FGFR4: variants seen among roughly 807,000 people sequenced by gnomAD.
FGFR4 encodes the protein hydroxyaryl-protein kinase.
In FGFR4, 63 loss-of-function variants were observed where a neutral mutation model predicts 89.9. The observed-to-expected ratio is 0.70, with a 90% confidence interval of 0.57 to 0.86. FGFR4 has a LOEUF of 0.86. FGFR4 is among the 40% of genes least tolerant of loss of function. The pLI is 0.00. For missense variants in FGFR4, 928 were observed against 1,106.7 expected (o/e 0.84, Z 2.29); for synonymous variants, 486 against 479.4 (o/e 1.01, Z -0.18).
chr5:177,092,029 G>A (rs566512537), intron 6 of FGFR4, among the ~76,000 whole-genome samples: 63 of 152,332 alleles, frequency 4.1e-4, no homozygotes, highest in Non-Finnish European at 8.1e-4. Flanking sequence ...GGCGCAGCCC[G>A]AGCGGAGGGC....
rs185223549 is a variant in FGFR4, at chr5:177,092,241, T to G, written c.728-80T>G. ...TGCAGAAAGGTCCCTCCCTTGAACT[T>G]GAGGAAGGCTGGAGGGAGGCAAACA... On this transcript the variant is annotated intron_variant, in intron 6 of 17. Coordinates refer to ENST00000292408, the MANE Select transcript of FGFR4 (RefSeq NM_213647.3). 195 of 1,412,930 alleles carry G rather than the reference T, an allele frequency of 1.4e-4. 2 individuals are homozygous for G. In the East Asian group the frequency reaches 4.4e-3, roughly 32 times the overall value. The allele number at this position is 1,412,930 out of a possible 1,614,324, so 87.5% of individuals were successfully genotyped here. A position where few individuals can be genotyped will look rare whatever the true frequency, so the allele number is the denominator to read the frequency against.
In FGFR4 at chr5:177,092,742, A is replaced by T. The variant is rs1285003792; in HGVS notation, c.1015A>T (p.Ile339Phe). Residue 339 changes from isoleucine (I) to phenylalanine (F), a missense_variant, in exon 8 of 18, where the codon ATC (isoleucine) becomes TTC (phenylalanine). By Grantham distance (21) the Ile-to-Phe change is conservative. Around this residue, in one of 5 missense-constraint regions of FGFR4, gnomAD observed 741 missense variants for 836.9 expected, o/e 0.89. Transcript: ENST00000292408. Reference protein sequence around the residue: ...GEYTCLAGNSIGLSYQSAWLT... With the variant: ...GEYTCLAGNSFGLSYQSAWLT... Reference sequence around the variant, plus strand: ...GTACACCTGCCTCGCAGGCAATTCCATCGGCCTCTCCTACCAGTCTGCCTG... The same window carrying T: ...GTACACCTGCCTCGCAGGCAATTCCTTCGGCCTCTCCTACCAGTCTGCCTG... 4.3e-6 allele frequency: 7 copies of T among 1,614,242 alleles called. No individual in the cohort carries two copies. The highest frequency in any genetic ancestry group is 5.9e-6 in the Non-Finnish European group (7 of 1,180,038).
chr5:177,091,842 C>G, intron 6 of FGFR4, 34 bp downstream of exon 6: 1 of 1,611,652 alleles, frequency 6.2e-7, no homozygotes. Context: ...GGAGGCCTGA[C>G]CCATTTTGGG....
In FGFR4 at chr5:177,096,652, C is replaced by G; in HGVS notation, c.2064C>G (p.Ser688=). 6.2e-7 allele frequency: 1 copy of G among 1,613,028 alleles called. No homozygotes were observed. The highest frequency in any genetic ancestry group is 8.5e-7 in the Non-Finnish European group (1 of 1,179,544). The change falls in exon 16 of 18, where the codon TCC becomes TCG. Residue 688 remains serine (S), a synonymous_variant. Transcript: ENST00000292408. ...LLWEIFTLGG[S]PYPGIPVEEL... ...GGGAGATCTTCACCCTCGGGGGCTC[C>G]CCGTATCCTGGCATCCCGGTGGAGG...
chr5:177,093,125 T>C lies in FGFR4; in HGVS notation c.1058-13T>C, dbSNP rs767613298. ...CAGTTTGTCTGTCTGTGTGTGTCCA[T>C]GTGCGAGGGCAGAGGAGGACCCCAC... On this transcript the variant is annotated splice_polypyrimidine_tract_variant and intron_variant, in intron 8 of 17. Transcript: ENST00000292408. This position sits in a 1 kb window ranked among gnomAD's most constrained non-coding sequence, Gnocchi z 5.8. 6.2e-7 allele frequency: 1 copy of C among 1,614,044 alleles called. No homozygotes were observed. The highest frequency in any genetic ancestry group is 8.5e-7 in the Non-Finnish European group (1 of 1,180,014).
In FGFR4 at chr5:177,095,945, T is replaced by A; in HGVS notation, c.1822-112T>A. ...CACTCCCCGTTTCTAAACCTTGACC[T>A]CCTCCTCTGTAAAGTGGGTGGAGGG... On this transcript the variant is annotated intron_variant, in intron 13 of 17. Coordinates refer to ENST00000292408, the MANE Select transcript of FGFR4 (RefSeq NM_213647.3). This position sits in a 1 kb window ranked among gnomAD's most constrained non-coding sequence, Gnocchi z 5.7. 6.9e-7 allele frequency: 1 copy of A among 1,441,104 alleles called. No individual in the cohort carries two copies. 89.3% of individuals were successfully genotyped at this position (1,441,104 alleles called of 1,614,324 possible).
In FGFR4 at chr5:177,095,323, C is replaced by T. The variant is rs748892957; in HGVS notation, c.1520-7C>T. On this transcript the variant is annotated splice_region_variant and splice_polypyrimidine_tract_variant and intron_variant, in intron 11 of 17. Coordinates refer to ENST00000292408, the MANE Select transcript of FGFR4 (RefSeq NM_213647.3). This position sits in a 1 kb window ranked among gnomAD's most constrained non-coding sequence, Gnocchi z 5.7. ...CAGCCTCTTCACCCCGTCTGCTGCC[C>T]TTACAGACAACGCCTCTGACAAGGA... 3 of 1,613,632 alleles carry T rather than the reference C, an allele frequency of 1.9e-6. No individual in the cohort carries two copies. Among genetic ancestry groups the T allele is most frequent in the South Asian group, 2.2e-5 (2 of 91,050 alleles).
rs1252651674 is a variant in FGFR4, at chr5:177,095,893, A to G, written c.1822-164A>G. Among the ~76,000 whole-genome samples the G allele has an allele frequency of 6.6e-6, 1 of 152,070 alleles. No homozygotes were observed. The highest frequency in any genetic ancestry group is 1.5e-5 in the Non-Finnish European group (1 of 67,990). ...CCCCACTCGTTCCTCACCCTTCCCC[A>G]GAGGGGAGAGGGGACGCAGGAGAAG... On this transcript the variant is annotated intron_variant, in intron 13 of 17. Transcript: ENST00000292408. The surrounding 1 kb of genome is among the most constrained non-coding windows in gnomAD (Gnocchi z 5.7).
intron 11 of FGFR4, among the ~76,000 whole-genome samples, chr5:177,094,007 G>A (rs781060210): frequency 6.3e-4 from 96 of 152,172 alleles, no homozygotes; most frequent in Non-Finnish European, 6.0e-4. Flanking sequence ...GGAGTTGGAG[G>A]TTGCAGGGAG....
Position 177,090,790 on chromosome 5 carries a change from G to A in FGFR4, c.401G>A (p.Arg134Lys), listed in dbSNP as rs1370781803. ...GATGATGAGGACCCCAAGTCCCATA[G>A]GGACCCCTCGAATAGGCACAGTTAC... is the stretch of plus-strand genomic sequence containing the variant. ...SNDDEDPKSHRDPSNRHSYPQ... is the reference protein window; with the variant it reads ...SNDDEDPKSHKDPSNRHSYPQ... Residue 134 changes from arginine to lysine, a missense_variant, in exon 4 of 18, where the codon AGG (arginine) becomes AAG (lysine). Coordinates refer to ENST00000292408, the MANE Select transcript of FGFR4 (RefSeq NM_213647.3). 1 of 1,613,702 alleles carries A rather than the reference G, an allele frequency of 6.2e-7. No individual in the cohort carries two copies. Among genetic ancestry groups the A allele is most frequent in the Non-Finnish European group, 8.5e-7 (1 of 1,179,820 alleles).
At chr5:177,092,235 T>A in intron 6 of FGFR4, 86 bp from the exon 7 acceptor site, 5 of 1,374,086 alleles carry the variant, frequency 3.6e-6, no homozygotes, top group Non-Finnish European at 4.9e-6. Flanking sequence ...GTCCCTCCCT[T>A]GAACTTGAGG....
In FGFR4 at chr5:177,090,643, G is replaced by C. The variant is rs1016993541; in HGVS notation, c.345G>C (p.Leu115Phe). The C allele has an allele frequency of 2.0e-6, 3 of 1,522,686 alleles. No individual in the cohort carries two copies. The highest frequency in any genetic ancestry group is 1.3e-5 in the South Asian group (1 of 75,630). The allele number at this position is 1,522,686 out of a possible 1,614,324, so 94.3% of individuals were successfully genotyped here. The stretch of plus-strand genomic sequence containing the variant: ...TGATCGTCCTGCAGAATCTCACCTT[G>C]ATTACAGGTGGTAAGAGACTCTAGC... ...GSMIVLQNLTLITGDSLTSSN... is the reference protein window; with the variant it reads ...GSMIVLQNLTFITGDSLTSSN... Residue 115 changes from leucine to phenylalanine, a missense_variant, in exon 3 of 18, where the codon TTG (leucine) becomes TTC (phenylalanine). Leu to Phe is a conservative substitution (Grantham distance 22). Around this residue, in one of 5 missense-constraint regions of FGFR4, gnomAD observed 741 missense variants for 836.9 expected, o/e 0.89. Coordinates refer to ENST00000292408, the MANE Select transcript of FGFR4 (RefSeq NM_213647.3).
chr5:177,097,276 G>T lies in FGFR4; in HGVS notation c.2154-16G>T, dbSNP rs765833326. 1.1e-5 allele frequency: 18 copies of T among 1,572,950 alleles called. No homozygotes were observed. The East Asian group carries it at 3.7e-4, about 32-fold the overall frequency. On this transcript the variant is annotated splice_polypyrimidine_tract_variant and intron_variant, in intron 16 of 17. Coordinates refer to ENST00000292408, the MANE Select transcript of FGFR4 (RefSeq NM_213647.3). ...GGCCTGAGGCTCCCTGTGACCCTCC[G>T]CCCCACCTCTCGCAGGTACGGGCTG...
rs1484824953 is a variant in FGFR4 at position 177,093,805 on chromosome 5, C to A, written c.1519+30C>A. 6.3e-7 allele frequency: 1 copy of A among 1,594,918 alleles called. No individual in the cohort carries two copies. The highest frequency in any genetic ancestry group is 8.6e-7 in the Non-Finnish European group (1 of 1,167,156). On this transcript the variant is annotated intron_variant, in intron 11 of 17. Transcript: ENST00000292408. The surrounding 1 kb of genome is among the most constrained non-coding windows in gnomAD (Gnocchi z 5.8). ...GTGTGGCCCGGTGTGGTGGCTCACA[C>A]CTGTAACGCCAGCACTTTAGGAGGC...
Position 177,090,443 on chromosome 5 carries a change from C to T in FGFR4, c.145C>T (p.Leu49Phe), listed in dbSNP as rs987602724. Reference sequence around the variant, plus strand: ...GCAAGAGCAGGAGCTGACAGTAGCCCTTGGGCAGCCTGTGCGTCTGTGCTG... The same window carrying T: ...GCAAGAGCAGGAGCTGACAGTAGCCTTTGGGCAGCCTGTGCGTCTGTGCTG... ...EQQEQELTVA[L>F]GQPVRLCCGR... Residue 49 changes from leucine (L) to phenylalanine (F), a missense_variant, in exon 3 of 18, where the codon CTT (leucine) becomes TTT (phenylalanine). Leu to Phe is a conservative substitution (Grantham distance 22, BLOSUM62 0). Coordinates refer to ENST00000292408, the MANE Select transcript of FGFR4 (RefSeq NM_213647.3). The T allele has an allele frequency of 6.2e-7, 1 of 1,605,574 alleles. No homozygotes were observed. The highest frequency in any genetic ancestry group is 1.1e-5 in the South Asian group (1 of 90,856).
In FGFR4 at chr5:177,097,523, A is replaced by G. The variant is rs997208680; in HGVS notation, c.2260-4A>G. The G allele has an allele frequency of 8.7e-6, 14 of 1,611,562 alleles. No homozygotes were observed. The highest frequency in any genetic ancestry group is 3.3e-4 in the Middle Eastern group (2 of 6,052). On this transcript the variant is annotated splice_polypyrimidine_tract_variant and splice_region_variant and intron_variant, in intron 17 of 17. Coordinates refer to ENST00000292408, the MANE Select transcript of FGFR4 (RefSeq NM_213647.3). Reference sequence around the variant, plus strand: ...CAGAGGCTGACCAGCTCCGTTCCCCACAGTACCTCGACCTCCGCCTGACCT... The same window carrying G: ...CAGAGGCTGACCAGCTCCGTTCCCCGCAGTACCTCGACCTCCGCCTGACCT...
rs2149731765 is a variant in FGFR4, at chr5:177,090,960, G to C, written c.459G>C (p.Gln153His). 1 of 1,614,104 alleles carries C rather than the reference G, an allele frequency of 6.2e-7. No individual in the cohort carries two copies. The change falls in exon 5 of 18, where the codon CAG (glutamine) becomes CAC (histidine). Residue 153 changes from glutamine (Q) to histidine (H), a missense_variant. This residue lies in a region of FGFR4 where 741 missense variants were observed against 836.9 expected (regional missense o/e 0.89). Transcript: ENST00000292408. Reference protein sequence around the residue: ...PQQAPYWTHPQRMEKKLHAVP... With the variant: ...PQQAPYWTHPHRMEKKLHAVP... ...CAGCACCCTACTGGACACACCCCCA[G>C]CGCATGGAGAAGAAACTGCATGCAG... is the stretch of plus-strand genomic sequence containing the variant.
rs1450783670 is a variant in FGFR4 at position 177,093,687 on chromosome 5, C to G, written c.1431C>G (p.Cys477Trp). The G allele has an allele frequency of 6.2e-7, 1 of 1,614,124 alleles. No individual in the cohort carries two copies. The highest frequency in any genetic ancestry group is 8.5e-7 in the Non-Finnish European group (1 of 1,180,060). Residue 477 changes from cysteine to tryptophan, a missense_variant, in exon 11 of 18, where the codon TGC (cysteine) becomes TGG (tryptophan). Physicochemically the swap from Cys to Trp is radical, Grantham distance 215 (BLOSUM62 -2). This residue lies in a region of FGFR4 where 741 missense variants were observed against 836.9 expected (regional missense o/e 0.89). Transcript: ENST00000292408. The surrounding 1 kb of genome is among the most constrained non-coding windows in gnomAD (Gnocchi z 5.8). ...TTGGGAAGCCCCTAGGCGAGGGCTG[C>G]TTTGGCCAGGTAGTACGTGCAGAGG... ...LVLGKPLGEGCFGQVVRAEAF... is the reference protein window; with the variant it reads ...LVLGKPLGEGWFGQVVRAEAF...
chr5:177,097,841 G>T lies in FGFR4; in HGVS notation c.*165G>T. The T allele has an allele frequency of 2.6e-6, 2 of 783,832 alleles. No individual in the cohort carries two copies. The allele number at this position is 783,832 out of a possible 1,614,324, so 48.6% of individuals were successfully genotyped here. A position where few individuals can be genotyped will look rare whatever the true frequency, so the allele number is the denominator to read the frequency against. ...TTGCCCTTGGAGCTGCCGTGCCTGT[G>T]TCCTGATGGCCCAAATGTCAGGGTT... On this transcript the variant is annotated 3_prime_UTR_variant, in exon 18 of 18. Transcript: ENST00000292408.
Sources: gnomAD v4.1 joint callset for allele counts (sites outside exome capture counted in the v4.1 genomes callset) on GRCh38, gnomAD v4.1.1 for gene constraint, gnomAD v4.1.1 regional missense constraint, Gnocchi (gnomAD v3.1) non-coding constraint, MANE v1.5 for transcripts, NCBI Gene and HGNC (gene_info 2026-07-23, HGNC 2026-07-21) for gene names.